ABCC9: variants seen among roughly 807,000 people sequenced by gnomAD.
ABCC9 encodes the protein ATP-binding cassette sub-family C member 9.
A neutral mutation model predicts 188.3 loss-of-function variants in ABCC9; 95 were observed. That is an observed-to-expected ratio of 0.50 (90% CI 0.43 to 0.60). The LOEUF is 0.60. Ranked by LOEUF, ABCC9 falls within the 20% of genes least tolerant of loss-of-function variation. The probability of loss-of-function intolerance (pLI) is 0.00; values close to 1 mark genes in which losing one functional copy is unlikely to be tolerated. For synonymous variants in ABCC9, 659 were observed against 652.7 expected (o/e 1.01, Z -0.15); for missense variants, 1,102 against 1,876.3 (o/e 0.59, Z 7.62).
chr12:21,821,919 A>G (rs1943056935), intron 31 of ABCC9, among the ~76,000 whole-genome samples: 1 of 152,156 alleles, frequency 6.6e-6, no homozygotes, highest in Non-Finnish European at 1.5e-5. Flanking sequence ...AATGTTTTCA[A>G]AACTACTTGT....
At chr12:21,881,482 AAATT>A (rs1293905845) in intron 16 of ABCC9, among the ~76,000 whole-genome samples, 1 of 152,218 alleles carries the variant, frequency 6.6e-6, no homozygotes, top group Non-Finnish European at 1.5e-5. Context: ...TTCAAAAAGA[AAATT>A]AATGAAACAC....
intron 4 of ABCC9, 104 bp downstream of exon 4, chr12:21,933,678 A>T (rs1421437994): frequency 1.4e-6 from 2 of 1,410,024 alleles, no homozygotes; most frequent in Admixed American, 3.6e-5. Flanking sequence ...GAGAGCAAAA[A>T]ATATAAAGCA....
chr12:21,828,903 G>C (rs988640407), intron 31 of ABCC9, 55 bp downstream of exon 31: 1 of 1,398,520 alleles, frequency 7.2e-7, no homozygotes. Context: ...CTGCCTCTTT[G>C]CAGCAGGCGT....
At chr12:21,868,648 A>G (rs185506170) in intron 18 of ABCC9, among the ~76,000 whole-genome samples, 2 of 152,298 alleles carry the variant, frequency 1.3e-5, no homozygotes, top group Admixed American at 1.3e-4. Flanking sequence ...CAATAAATAA[A>G]TAAATAAAAT....
At chr12:21,931,185 A>T (rs879588570) in intron 4 of ABCC9, among the ~76,000 whole-genome samples, 2 of 152,084 alleles carry the variant, frequency 1.3e-5, no homozygotes, top group African/African-American at 2.4e-5. Context: ...GATAATGGCA[A>T]CAATTCCCTC....
chr12:21,924,140 A>G (rs1948954754), intron 5 of ABCC9: 4 of 310,410 alleles, frequency 1.3e-5, no homozygotes, highest in East Asian at 1.1e-4. Context: ...CATGGATGAT[A>G]GTTATGTCAT....
chr12:21,804,686 G>C (rs1941717358), intron 39 of ABCC9, among the ~76,000 whole-genome samples: 1 of 152,138 alleles, frequency 6.6e-6, no homozygotes, highest in Non-Finnish European at 1.5e-5. Context: ...ATCATTTCCT[G>C]CCATCTTGAA....
At chr12:21,838,573 A>C (rs963220724) in intron 29 of ABCC9, among the ~76,000 whole-genome samples, 1 of 152,104 alleles carries the variant, frequency 6.6e-6, no homozygotes, top group Non-Finnish European at 1.5e-5. Context: ...TAACAAGAAC[A>C]AGCACCGGTG....
At chr12:21,875,103 G>A (rs1028812486) in intron 17 of ABCC9, among the ~76,000 whole-genome samples, 2 of 149,344 alleles carry the variant, frequency 1.3e-5, no homozygotes, top group Admixed American at 6.9e-5. Context: ...AAGAACACAA[G>A]GAAATTTTTG....
At chr12:21,842,919 T>C (rs1474972986) in intron 28 of ABCC9, among the ~76,000 whole-genome samples, 3 of 152,170 alleles carry the variant, frequency 2.0e-5, no homozygotes, top group Admixed American at 1.3e-4. Context: ...TTTGAGTGAA[T>C]TAATTTTTCC....
At chr12:21,813,247 G>A (rs1247926623) in intron 35 of ABCC9, among the ~76,000 whole-genome samples, 2 of 152,040 alleles carry the variant, frequency 1.3e-5, no homozygotes, top group Non-Finnish European at 2.9e-5. Context: ...ACTGCATATG[G>A]ACTTATAGAG....
rs763488230 is a variant in ABCC9 at position 21,875,649 on chromosome 12, C to G, written c.2092+5G>C. 2 of 1,595,046 alleles carry G rather than the reference C, an allele frequency of 1.3e-6. No individual in the cohort carries two copies. The highest frequency in any genetic ancestry group is 2.7e-5 in the African/African-American group (2 of 74,538). ...TTACAAAAATGCATAACAGATAACT[C>G]TTACCTGTTGGAATTCGAATATCTA... On this transcript the variant is annotated splice_donor_5th_base_variant and intron_variant, in intron 17 of 39. Coordinates refer to ENST00000261200, the MANE Select transcript of ABCC9 (RefSeq NM_020297.4).
In ABCC9 at chr12:21,798,488, T is replaced by G. The variant is rs1941266633; in HGVS notation, c.*2556A>C. 1 of 150,848 alleles carries G rather than the reference T, an allele frequency of 6.6e-6. No homozygotes were observed. Among genetic ancestry groups the G allele is most frequent in the South Asian group, 2.1e-4 (1 of 4,720 alleles). 9.3% of individuals were successfully genotyped at this position (150,848 alleles called of 1,614,324 possible). A position where few individuals can be genotyped will look rare whatever the true frequency, so the allele number is the denominator to read the frequency against. On this transcript the variant is annotated 3_prime_UTR_variant, in exon 40 of 40. Transcript: ENST00000261200. ...TTTGAGAAGTGTCTGTTCATGTCCT[T>G]CACCCACTTTTTGATGGGGTTGTTT...
intron 22 of ABCC9, among the ~76,000 whole-genome samples, chr12:21,852,841 A>T (rs1317349873): frequency 2.0e-5 from 3 of 152,202 alleles, no homozygotes; most frequent in Non-Finnish European, 4.4e-5. Flanking sequence ...GCAGGCAAAA[A>T]GAAAAACAAA....
At chr12:21,881,361 C>T (rs547817779) in intron 16 of ABCC9, among the ~76,000 whole-genome samples, 2 of 152,104 alleles carry the variant, frequency 1.3e-5, no homozygotes, top group South Asian at 2.1e-4. Flanking sequence ...CCTGAAACTG[C>T]GGAGGCCATT....
chr12:21,860,009 A>G (rs1349873600), intron 21 of ABCC9, among the ~76,000 whole-genome samples: 1 of 152,200 alleles, frequency 6.6e-6, no homozygotes, highest in Non-Finnish European at 1.5e-5. Flanking sequence ...TACTTAACAT[A>G]CAACCCAAAT....
rs768726288 is a variant in ABCC9 at position 21,806,079 on chromosome 12, G to A, written c.4450-19C>T. The A allele has an allele frequency of 1.9e-6, 3 of 1,586,320 alleles. No homozygotes were observed. The highest frequency in any genetic ancestry group is 2.6e-6 in the Non-Finnish European group (3 of 1,156,630). ...TATTCTCCTGCAAAAAAAAAAAAGT[G>A]TAAATTTTCTCGGGATTACTTTGTC... is the stretch of plus-strand genomic sequence containing the variant. On this transcript the variant is annotated intron_variant, in intron 38 of 39. Transcript: ENST00000261200.
chr12:21,879,624 A>AT lies in ABCC9; in HGVS notation c.2019+3141dup, dbSNP rs1161656502. Among the ~76,000 whole-genome samples the AT allele has an allele frequency of 6.4e-3, 950 of 148,516 alleles. 9 individuals are homozygous for AT. Among genetic ancestry groups the AT allele is most frequent in the African/African-American group, 0.021 (834 of 40,632 alleles). ...AGTGAATTTCACCTCAATGAAAAGA[A>AT]TTTTTTTTTTTTAAATTTAAAGGCA... On this transcript the variant is annotated intron_variant, in intron 16 of 39. Transcript: ENST00000261200.
intron 37 of ABCC9, among the ~76,000 whole-genome samples, chr12:21,808,578 G>C (rs1942016615): frequency 6.6e-6 from 1 of 151,962 alleles, no homozygotes; most frequent in Admixed American, 6.6e-5. Flanking sequence ...TTCTCAAGTA[G>C]ACTTGCTGGG....
Sources: allele counts gnomAD v4.1 joint callset (sites outside exome capture counted in the v4.1 genomes callset), GRCh38; gene constraint gnomAD v4.1.1; transcripts MANE v1.5; gene names NCBI Gene and HGNC (gene_info 2026-07-23, HGNC 2026-07-21).